Variants in HPCA observed in about 807,000 individuals in gnomAD.
HPCA encodes neuron-specific calcium-binding protein hippocalcin.
A neutral mutation model predicts 18.2 loss-of-function variants in HPCA; 4 were observed. The observed-to-expected ratio is 0.22, with a 90% CI of 0.11 to 0.50. HPCA has a LOEUF of 0.50. HPCA is among the 20% of genes least tolerant of loss of function. The pLI is 0.97. For missense variants in HPCA, 161 were observed against 265.8 expected, an observed-to-expected ratio of 0.61 and a Z score of 2.74; for synonymous variants, 93 against 103.5, an observed-to-expected ratio of 0.90 and a Z score of 0.61.
At chr1:32,892,062 A>G (rs1477703414) in intron 2 of HPCA, among the ~76,000 whole-genome samples, 2 of 152,188 alleles carry the variant, frequency 1.3e-5, no homozygotes, top group African/African-American at 4.8e-5. Flanking sequence ...CGGGCCCCTG[A>G]TAAGTGGTAC....
At position 32,893,184 on chromosome 1, in the gene HPCA, G is replaced by C. The variant is rs1278392455; in HGVS notation, c.379-340G>C. Among the ~76,000 whole-genome samples the C allele has an allele frequency of 5.9e-5, 9 of 151,382 alleles. No individual in the cohort carries two copies. Among genetic ancestry groups the C allele is most frequent in the African/African-American group, 2.2e-4 (9 of 41,250 alleles). On this transcript the variant is annotated intron_variant, in intron 2 of 3. Transcript: ENST00000373467. This position sits in a 1 kb window ranked among gnomAD's most constrained non-coding sequence, Gnocchi z 7.5. ...CGTGCCCCGGGGCACGCGCTCCTGA[G>C]CCCGCCGCTCCAGGCCCTCCACTGT...
In HPCA at chr1:32,889,527, T is replaced by C. The variant is rs144354741; in HGVS notation, c.378+251T>C. 2.1e-3 allele frequency among the ~76,000 whole-genome samples: 313 copies of C among 152,366 alleles called. 7 individuals carry two copies. The East Asian group carries it at 0.049, about 24-fold the overall frequency. ...TGCTTCATCATTATCAGTGTGTGTG[T>C]GCGTGTGTGCACACTAGTGTGTAAC... On this transcript the variant is annotated intron_variant, in intron 2 of 3. Transcript: ENST00000373467. This position sits in a 1 kb window ranked among gnomAD's most constrained non-coding sequence, Gnocchi z 4.6.
chr1:32,886,848 C>T lies in HPCA; in HGVS notation c.-22+333C>T, dbSNP rs2124009691. On this transcript the variant is annotated intron_variant, in intron 1 of 3. Transcript: ENST00000373467. This position sits in a 1 kb window ranked among gnomAD's most constrained non-coding sequence, Gnocchi z 7.0. ...GTTTGGAGCGGGTCCCCGGGGCTGG[C>T]TTCTCAGGTCGAGCTGAGGGGGTTC... 6.6e-6 allele frequency among the ~76,000 whole-genome samples: 1 copy of T among 152,248 alleles called. No individual in the cohort carries two copies. The highest frequency in any genetic ancestry group is 1.5e-5 in the Non-Finnish European group (1 of 68,004).
chr1:32,888,856 C>G, intron 1 of HPCA, 22 bp from the exon 2 acceptor site: 1 of 1,576,120 alleles, frequency 6.3e-7, no homozygotes, highest in East Asian at 2.2e-5. Context: ...CCTCTCTGCC[C>G]TTGACCCCCT....
chr1:32,891,425 T>A (rs1353131175), intron 2 of HPCA, among the ~76,000 whole-genome samples: 3 of 152,192 alleles, frequency 2.0e-5, no homozygotes, highest in Non-Finnish European at 4.4e-5. Context: ...CTGCGCCTCT[T>A]GGGGCTCCCA....
Position 32,893,484 on chromosome 1 carries a change from G to T in HPCA, c.379-40G>T, listed in dbSNP as rs964703426. On this transcript the variant is annotated intron_variant, in intron 2 of 3. Coordinates refer to ENST00000373467, the MANE Select transcript of HPCA (RefSeq NM_002143.3). The surrounding 1 kb of genome is among the most constrained non-coding windows in gnomAD (Gnocchi z 7.5). ...CTGAATCTTGCGGGTGGGGGCTCGG[G>T]CAGGCTCCTCTCACTCCCCGCCTCC... The T allele has an allele frequency of 2.8e-6, 4 of 1,432,014 alleles. No homozygotes were observed. 88.7% of individuals were successfully genotyped at this position (1,432,014 alleles called of 1,614,324 possible).
upstream of HPCA, chr1:32,886,042 G>A (rs1396730776): frequency 6.6e-6 from 1 of 152,270 alleles, no homozygotes; most frequent in Non-Finnish European, 1.5e-5. The surrounding 1 kb of genome is among the most constrained non-coding windows in gnomAD (Gnocchi z 7.0). Flanking sequence ...CCGTTAGTTG[G>A]GAGTTGAGGC....
intron 1 of HPCA, among the ~76,000 whole-genome samples, chr1:32,888,426 CAGA>C (rs1193503339): frequency 2.0e-5 from 3 of 152,188 alleles, no homozygotes; most frequent in East Asian, 3.8e-4. Flanking sequence ...GGAGGAGGAT[CAGA>C]AGGTTTTTCT....
At position 32,894,235 on chromosome 1, in the gene HPCA, G is replaced by A. The variant is rs1189251064; in HGVS notation, c.*373G>A. On this transcript the variant is annotated 3_prime_UTR_variant, in exon 4 of 4. Coordinates refer to ENST00000373467, the MANE Select transcript of HPCA (RefSeq NM_002143.3). ...CCCAGGGGAGGAGACTTTTTATCTG[G>A]AGGGGAGAGAAGGATTCTAGGGGTG... 4 of 240,530 alleles carry A rather than the reference G, an allele frequency of 1.7e-5. No individual in the cohort carries two copies. The East Asian group carries it at 3.5e-4, about 21-fold the overall frequency. The allele number at this position is 240,530 out of a possible 1,614,324, so 14.9% of individuals were successfully genotyped here.
intron 2 of HPCA, among the ~76,000 whole-genome samples, chr1:32,891,160 G>A (rs1406411823): frequency 6.6e-6 from 1 of 152,236 alleles, no homozygotes; most frequent in Non-Finnish European, 1.5e-5. Flanking sequence ...CCTTTCTGGT[G>A]GCCTCTGCTA....
At chr1:32,888,092 T>C (rs1236238912) in intron 1 of HPCA, among the ~76,000 whole-genome samples, 2 of 152,236 alleles carry the variant, frequency 1.3e-5, no homozygotes, top group Non-Finnish European at 2.9e-5. Context: ...AGCACTTATC[T>C]ATGCAGCCAT....
upstream of HPCA, chr1:32,886,082 A>C (rs1164815025): frequency 1.3e-5 from 2 of 152,390 alleles, no homozygotes; most frequent in African/African-American, 4.8e-5. This position sits in a 1 kb window ranked among gnomAD's most constrained non-coding sequence, Gnocchi z 7.0. Context: ...CCAGGGTGCC[A>C]ATTCGGCCCT....
Position 32,893,799 on chromosome 1 carries a change from C to T in HPCA, c.519C>T (p.Ala173=), listed in dbSNP as rs1160476777. Reference sequence around the variant, plus strand: ...CCTTGGAGGAGTTCATCCGCGGGGCCAAAAGCGACCCGTCCATCGTGCGTC... The same window carrying T: ...CCTTGGAGGAGTTCATCCGCGGGGCTAAAAGCGACCCGTCCATCGTGCGTC... The part of the protein sequence containing the change: ...KLSLEEFIRG[A]KSDPSIVRLL... The change falls in exon 4 of 4, where the codon GCC becomes GCT. Residue 173 remains alanine, a synonymous_variant. Transcript: ENST00000373467. This position sits in a 1 kb window ranked among gnomAD's most constrained non-coding sequence, Gnocchi z 7.5. 1 of 1,580,602 alleles carries T rather than the reference C, an allele frequency of 6.3e-7. No homozygotes were observed. Among genetic ancestry groups the T allele is most frequent in the Admixed American group, 1.8e-5 (1 of 54,664 alleles).
chr1:32,893,196 A>C lies in HPCA; in HGVS notation c.379-328A>C, dbSNP rs1641493960. On this transcript the variant is annotated intron_variant, in intron 2 of 3. Coordinates refer to ENST00000373467, the MANE Select transcript of HPCA (RefSeq NM_002143.3). The surrounding 1 kb of genome is among the most constrained non-coding windows in gnomAD (Gnocchi z 7.5). ...CACGCGCTCCTGAGCCCGCCGCTCC[A>C]GGCCCTCCACTGTCGGGCCCCGGTG... is the stretch of plus-strand genomic sequence containing the variant. Among the ~76,000 whole-genome samples the C allele has an allele frequency of 6.6e-6, 1 of 151,248 alleles. No homozygotes were observed. The highest frequency in any genetic ancestry group is 1.5e-5 in the Non-Finnish European group (1 of 67,812).
rs1042660910 is a variant in HPCA at position 32,893,956 on chromosome 1, T to C, written c.*94T>C. 26 of 959,474 alleles carry C rather than the reference T, an allele frequency of 2.7e-5. No individual in the cohort carries two copies. Among genetic ancestry groups the C allele is most frequent in the Admixed American group, 6.3e-5 (3 of 47,250 alleles). The allele number at this position is 959,474 out of a possible 1,614,324, so 59.4% of individuals were successfully genotyped here. On this transcript the variant is annotated 3_prime_UTR_variant, in exon 4 of 4. Coordinates refer to ENST00000373467, the MANE Select transcript of HPCA (RefSeq NM_002143.3). This position sits in a 1 kb window ranked among gnomAD's most constrained non-coding sequence, Gnocchi z 7.5. The stretch of plus-strand genomic sequence containing the variant: ...GTGTGTATTCTGGCTGGGGGCCAGA[T>C]TGGGGAAGCCCTTCTCCCCGGGTCT...
chr1:32,894,394 T>C lies in HPCA; in HGVS notation c.*532T>C. 5.1e-6 allele frequency: 1 copy of C among 196,138 alleles called. No homozygotes were observed. 12.1% of individuals were successfully genotyped at this position (196,138 alleles called of 1,614,324 possible). A position where few individuals can be genotyped will look rare whatever the true frequency, so the allele number is the denominator to read the frequency against. ...GTGGGCCCCAGAAAGCCAGCCTGCC[T>C]TTTAGCACTTGGATACACACAGACC... On this transcript the variant is annotated 3_prime_UTR_variant, in exon 4 of 4. Coordinates refer to ENST00000373467, the MANE Select transcript of HPCA (RefSeq NM_002143.3).
intron 1 of HPCA, among the ~76,000 whole-genome samples, chr1:32,888,342 G>A (rs2124013649): frequency 6.6e-6 from 1 of 152,296 alleles, no homozygotes; most frequent in Non-Finnish European, 1.5e-5. Flanking sequence ...GGAGAACAGG[G>A]CAGTGTCTGG....
chr1:32,890,421 C>T (rs144877379), intron 2 of HPCA, among the ~76,000 whole-genome samples: 2 of 152,350 alleles, frequency 1.3e-5, no homozygotes, highest in Middle Eastern at 3.4e-3. Context: ...GGCTCTGGCT[C>T]TATTTTATCT....
rs1454469009 is a variant in HPCA, at chr1:32,893,292, A to G, written c.379-232A>G. Among the ~76,000 whole-genome samples the G allele has an allele frequency of 6.6e-6, 1 of 151,508 alleles. No individual in the cohort carries two copies. The highest frequency in any genetic ancestry group is 1.5e-5 in the Non-Finnish European group (1 of 67,876). ...CCTGCGGCGCCTTTGCTCCTTTCCC[A>G]CCCAGCCCTCCAAGGGAGCGCGGCA... On this transcript the variant is annotated intron_variant, in intron 2 of 3. Transcript: ENST00000373467. The surrounding 1 kb of genome is among the most constrained non-coding windows in gnomAD (Gnocchi z 7.5).
Sources: gnomAD v4.1 joint callset for allele counts (sites outside exome capture counted in the v4.1 genomes callset) on GRCh38, gnomAD v4.1.1 for gene constraint, Gnocchi (gnomAD v3.1) non-coding constraint, MANE v1.5 for transcripts, NCBI Gene and HGNC (gene_info 2026-07-23, HGNC 2026-07-21) for gene names.